The following COL19A1 variants were observed in gnomAD, a reference collection of about 807,000 sequenced individuals.
COL19A1 encodes the protein collagen alpha-1(XIX) chain.
Under a neutral mutation model 190.2 loss-of-function variants are expected in COL19A1, and 159 were observed. The observed-to-expected ratio is 0.84, with a 90% CI of 0.73 to 0.95. The LOEUF (loss-of-function observed/expected upper bound fraction) is 0.95. Among genes scored for constraint, COL19A1 ranks in the 40% least tolerant of loss-of-function variants. COL19A1 has a pLI of 0.00. For missense variants in COL19A1, 1,418 were observed against 1,431.9 expected, an observed-to-expected ratio of 0.99 and a Z score of 0.16; for synonymous variants, 509 against 458.9, an observed-to-expected ratio of 1.11 and a Z score of -1.39.
intron 34 of COL19A1, among the ~76,000 whole-genome samples, chr6:70,160,665 A>G (rs183567550): frequency 4.5e-4 from 69 of 152,296 alleles, no homozygotes; most frequent in African/African-American, 1.5e-3. Flanking sequence ...CTGCAGTGTG[A>G]TATAATATTC....
intron 15 of COL19A1, among the ~76,000 whole-genome samples, chr6:70,085,646 A>G (rs546842378): frequency 1.3e-5 from 2 of 152,198 alleles, no homozygotes; most frequent in African/African-American, 4.8e-5. Context: ...CAGATGTTTC[A>G]TAAGGATTCT....
intron 4 of COL19A1, among the ~76,000 whole-genome samples, chr6:69,911,312 A>G (rs765186426): frequency 1.3e-5 from 2 of 152,228 alleles, no homozygotes; most frequent in Admixed American, 6.5e-5. Context: ...ATGTTATTTT[A>G]TGTGATTCCT....
rs756558111 is a variant in COL19A1 at position 70,130,231 on chromosome 6, G to GT, written c.1383+8_1383+9insT. 266 of 1,607,250 alleles carry GT rather than the reference G, an allele frequency of 1.7e-4. No individual in the cohort carries two copies. The African/African-American group carries it at 3.1e-3, about 19-fold the overall frequency. On this transcript the variant is annotated intron_variant, in intron 18 of 50. Coordinates refer to ENST00000620364, the MANE Select transcript of COL19A1 (RefSeq NM_001858.6). Reference sequence around the variant, plus strand: ...GGCCTGAAAGGAGACAAGGTAATCAGATTTTTTTTTTTTAGATGGAGTCTT... The same window carrying GT: ...GGCCTGAAAGGAGACAAGGTAATCAGTATTTTTTTTTTTTAGATGGAGTCTT...
chr6:70,058,008 T>C (rs542065986), intron 14 of COL19A1, among the ~76,000 whole-genome samples: 1 of 152,066 alleles, frequency 6.6e-6, no homozygotes, highest in Non-Finnish European at 1.5e-5. Context: ...GCAAAAATTA[T>C]TGTTAGAAGA....
chr6:70,067,023 G>C (rs1269963872), intron 14 of COL19A1, among the ~76,000 whole-genome samples: 1 of 152,118 alleles, frequency 6.6e-6, no homozygotes, highest in Admixed American at 6.6e-5. Context: ...ATAAAATATA[G>C]ATTCTGTTAT....
In COL19A1 at chr6:69,960,028, C is replaced by T. The variant is rs774749347; in HGVS notation, c.969C>T (p.Phe323=). Residue 323 remains phenylalanine, a synonymous_variant, in exon 10 of 51, where the codon TTC becomes TTT. Coordinates refer to ENST00000620364, the MANE Select transcript of COL19A1 (RefSeq NM_001858.6). ...ATGGTTTACATGGTGCTCCAGGATT[C>T]CCTGGTCAAAAGGTAAAGAGTTCTT... ...GENGLHGAPG[F]PGQKGEQGFE... 1 of 1,613,226 alleles carries T rather than the reference C, an allele frequency of 6.2e-7. No homozygotes were observed. The highest frequency in any genetic ancestry group is 1.1e-5 in the South Asian group (1 of 90,874).
intron 11 of COL19A1, among the ~76,000 whole-genome samples, chr6:69,986,657 A>G (rs1776332968): frequency 6.6e-6 from 1 of 152,204 alleles, no homozygotes; most frequent in Non-Finnish European, 1.5e-5. Context: ...CTGGGCATAT[A>G]TACTTTGACC....
In COL19A1 at chr6:70,126,583, A is replaced by T. The variant is rs147764434; in HGVS notation, c.1342-3599A>T. 7.4e-4 allele frequency among the ~76,000 whole-genome samples: 112 copies of T among 152,330 alleles called. 1 individual carries two copies. The South Asian group carries it at 0.016, about 22-fold the overall frequency. Reference sequence around the variant, plus strand: ...CTGGTGAAATGGTTTTTTGCAGATAACTAAGAGGTTCGGCTTTGAGCCAGC... The same window carrying T: ...CTGGTGAAATGGTTTTTTGCAGATATCTAAGAGGTTCGGCTTTGAGCCAGC... On this transcript the variant is annotated intron_variant, in intron 17 of 50. Transcript: ENST00000620364.
At chr6:70,098,135 A>G (rs765036055) in intron 15 of COL19A1, among the ~76,000 whole-genome samples, 2 of 152,136 alleles carry the variant, frequency 1.3e-5, no homozygotes, top group African/African-American at 2.4e-5. Context: ...GCTATCCTCA[A>G]CCACTTCCCC....
intron 25 of COL19A1, 73 bp from the exon 26 acceptor site, chr6:70,146,585 AT>A: frequency 8.9e-7 from 1 of 1,127,110 alleles, no homozygotes; most frequent in Non-Finnish European, 1.3e-6. Context: ...GATGAAACAT[AT>A]TTTAGTTATA....
chr6:70,197,452 T>G (rs1475824198), intron 48 of COL19A1, among the ~76,000 whole-genome samples: 1 of 151,920 alleles, frequency 6.6e-6, no homozygotes, highest in Non-Finnish European at 1.5e-5. Flanking sequence ...AAAATTGTAC[T>G]GAAACACATC....
At chr6:70,108,573 G>A (rs1784105750) in intron 16 of COL19A1, among the ~76,000 whole-genome samples, 1 of 152,052 alleles carries the variant, frequency 6.6e-6, no homozygotes, top group African/African-American at 2.4e-5. Flanking sequence ...TTATTTTCAG[G>A]ATTTTGTTAC....
intron 15 of COL19A1, among the ~76,000 whole-genome samples, chr6:70,091,076 C>G (rs1437008091): frequency 6.6e-6 from 1 of 152,120 alleles, no homozygotes; most frequent in Non-Finnish European, 1.5e-5. Context: ...CCTTACCCTG[C>G]TTTATTTTTC....
intron 9 of COL19A1, among the ~76,000 whole-genome samples, chr6:69,948,653 C>T (rs2150032550): frequency 6.6e-6 from 1 of 151,844 alleles, no homozygotes; most frequent in Non-Finnish European, 1.5e-5. Context: ...GAGAGAGTTT[C>T]TTAGAAAAGA....
chr6:70,053,291 C>T (rs1780311524), intron 14 of COL19A1, among the ~76,000 whole-genome samples: 1 of 152,168 alleles, frequency 6.6e-6, no homozygotes. Context: ...ATTCTGATTG[C>T]TCCATTTCAT....
chr6:70,157,997 C>T (rs76056694), intron 34 of COL19A1, among the ~76,000 whole-genome samples: 96 of 152,184 alleles, frequency 6.3e-4, no homozygotes, highest in African/African-American at 2.1e-3. Flanking sequence ...CACACTTTAG[C>T]GGGCTTTTTC....
rs374033652 is a variant in COL19A1 at position 69,985,026 on chromosome 6, G to A, written c.1026+22156G>A. 2.5e-4 allele frequency among the ~76,000 whole-genome samples: 38 copies of A among 152,274 alleles called. No homozygotes were observed. The East Asian group carries it at 5.8e-3, about 23-fold the overall frequency. On this transcript the variant is annotated intron_variant, in intron 11 of 50. Coordinates refer to ENST00000620364, the MANE Select transcript of COL19A1 (RefSeq NM_001858.6). ...AAAAACATTAGGTTTAATTTGGGTA[G>A]GTTCAAAATGTCTCCCTACCCACTT...
intron 4 of COL19A1, among the ~76,000 whole-genome samples, chr6:69,908,788 A>G (rs1770717833): frequency 6.6e-6 from 1 of 152,148 alleles, no homozygotes; most frequent in South Asian, 2.1e-4. Context: ...CATATCAGTA[A>G]TTAATCATAT....
At chr6:69,919,418 G>C (rs1003553227) in intron 4 of COL19A1, among the ~76,000 whole-genome samples, 1 of 152,126 alleles carries the variant, frequency 6.6e-6, no homozygotes, top group South Asian at 2.1e-4. Context: ...GAAGAATGTT[G>C]AATGTACAAT....
Sources: gnomAD v4.1 joint callset for allele counts (sites outside exome capture counted in the v4.1 genomes callset) on GRCh38, gnomAD v4.1.1 for gene constraint, MANE v1.5 for transcripts, NCBI Gene and HGNC (gene_info 2026-07-23, HGNC 2026-07-21) for gene names.